The following THBS4 variants were observed in gnomAD, a reference collection of about 807,000 sequenced individuals.
THBS4 encodes the protein thrombospondin-4.
Under a neutral mutation model 115.7 loss-of-function variants are expected in THBS4, and 90 were observed. The ratio of observed to expected loss-of-function variants is 0.78; its 90% CI spans 0.66 to 0.93. THBS4 has a LOEUF of 0.93. THBS4 is among the 40% of genes least tolerant of loss of function. THBS4 has a pLI of 0.00. For missense variants in THBS4, 1,087 were observed against 1,232.7 expected, an observed-to-expected ratio of 0.88 and a Z score of 1.77; for synonymous variants, 460 against 479.3, an observed-to-expected ratio of 0.96 and a Z score of 0.53.
At position 80,070,237 on chromosome 5, in the gene THBS4, G is replaced by A; in HGVS notation, c.1348-69G>A. ...TGGGATTGAGCAAAGGAGCAGAGAG[G>A]CCCTTGTCAGCCACCAGCTTCCTGC... On this transcript the variant is annotated intron_variant, in intron 10 of 21. Coordinates refer to ENST00000350881, the MANE Select transcript of THBS4 (RefSeq NM_003248.6). 2 of 1,336,294 alleles carry A rather than the reference G, an allele frequency of 1.5e-6. 1 individual carries two copies. 82.8% of individuals were successfully genotyped at this position (1,336,294 alleles called of 1,614,324 possible).
chr5:80,019,192 A>C (rs1368692966), intron 2 of THBS4, among the ~76,000 whole-genome samples: 2 of 152,304 alleles, frequency 1.3e-5, no homozygotes, highest in East Asian at 1.9e-4. Context: ...GAATCTAATC[A>C]TGAGAAATAA....
chr5:80,079,323 G>T (rs958426750), intron 19 of THBS4, 65 bp downstream of exon 19: 2 of 1,493,404 alleles, frequency 1.3e-6, no homozygotes, highest in Admixed American at 2.2e-5. Flanking sequence ...TTCAGATATT[G>T]TGTTTTCCCA....
At chr5:80,016,763 C>G (rs1048588862) in intron 2 of THBS4, among the ~76,000 whole-genome samples, 11 of 152,006 alleles carry the variant, frequency 7.2e-5, no homozygotes, top group Non-Finnish European at 1.6e-4. Context: ...TTGCACTGCC[C>G]GCAGCTACCC....
rs932881529 is a variant in THBS4, at chr5:80,078,120, C to T, written c.2158C>T (p.Pro720Ser). The T allele has an allele frequency of 8.1e-6, 13 of 1,612,032 alleles. No homozygotes were observed. Among genetic ancestry groups the T allele is most frequent in the Non-Finnish European group, 1.1e-5 (13 of 1,178,838 alleles). Reference protein sequence around the residue: ...DQVIDRIDVCPENAEVTLTDF... With the variant: ...DQVIDRIDVCSENAEVTLTDF... Reference sequence around the variant, plus strand: ...GGTCATCGATCGGATCGACGTCTGCCCAGAGAACGCAGAGGTCACCCTGAC... The same window carrying T: ...GGTCATCGATCGGATCGACGTCTGCTCAGAGAACGCAGAGGTCACCCTGAC... The change falls in exon 17 of 22, where the codon CCA (proline) becomes TCA (serine). Residue 720 changes from proline to serine, a missense_variant. By Grantham distance (74) the Pro-to-Ser change is moderately conservative. Transcript: ENST00000350881.
chr5:80,025,220 C>T (rs1266976518), intron 2 of THBS4, among the ~76,000 whole-genome samples: 7 of 151,880 alleles, frequency 4.6e-5, no homozygotes, highest in South Asian at 2.1e-4. Flanking sequence ...AAAAAGATGA[C>T]GTGTGGATAT....
intron 13 of THBS4, 196 bp from the exon 14 acceptor site, chr5:80,072,082 A>C: frequency 3.3e-6 from 2 of 605,698 alleles, no homozygotes; most frequent in Non-Finnish European, 6.0e-6. Flanking sequence ...CAGTCGATAA[A>C]TACCTCTGAG....
At chr5:80,014,827 G>C (rs1369195243) in intron 2 of THBS4, among the ~76,000 whole-genome samples, 2 of 152,220 alleles carry the variant, frequency 1.3e-5, no homozygotes, top group African/African-American at 2.4e-5. Context: ...AGTGGAAAGA[G>C]CACCGGACCA....
chr5:80,033,304 A>G (rs1832621439), upstream of THBS4: 1 of 286,644 alleles, frequency 3.5e-6, no homozygotes, highest in Admixed American at 3.8e-5. Flanking sequence ...TGTCCTCACC[A>G]TGGAGATTCC....
At position 80,073,250 on chromosome 5, in the gene THBS4, A is replaced by AT. The variant is rs750097306; in HGVS notation, c.1840-24dup. On this transcript the variant is annotated intron_variant, in intron 14 of 21. Transcript: ENST00000350881. ...TCGGTACATGCAGGCCCAGGAATAA[A>AT]TAACATGTGCTGTTCTCTTTGCAGT... The AT allele has an allele frequency of 1.9e-6, 3 of 1,613,332 alleles. No individual in the cohort carries two copies. In the Admixed American group the frequency reaches 5.0e-5, roughly 27 times the overall value.
Position 80,055,810 on chromosome 5 carries a change from T to C in THBS4, c.318T>C (p.Asp106=), listed in dbSNP as rs746557045. ...CCATCCTCCGTTACCTGAAGAACGA[T>C]GGGAAGGTGCATTTGGTGGTTTTCA... The part of the protein sequence containing the change: ...NKAILRYLKN[D]GKVHLVVFNN... Residue 106 remains aspartate, a synonymous_variant, in exon 3 of 22, where the codon GAT becomes GAC. Coordinates refer to ENST00000350881, the MANE Select transcript of THBS4 (RefSeq NM_003248.6). 1 of 1,613,702 alleles carries C rather than the reference T, an allele frequency of 6.2e-7. No homozygotes were observed. Among genetic ancestry groups the C allele is most frequent in the Non-Finnish European group, 8.5e-7 (1 of 1,179,666 alleles).
chr5:80,023,005 A>G (rs1312667407), intron 2 of THBS4, among the ~76,000 whole-genome samples: 4 of 152,216 alleles, frequency 2.6e-5, no homozygotes, highest in African/African-American at 9.7e-5. Flanking sequence ...GTAGGTTATC[A>G]TCAATTTCCT....
Position 80,055,291 on chromosome 5 carries a change from C to T in THBS4, c.293-494C>T, listed in dbSNP as rs1041094903. ...GAGCTGAGATCGTCCCACTGCACTGCAGCCTGGGGGACAGAGTGAGATCCT... is the reference window on the plus strand; with the variant it reads ...GAGCTGAGATCGTCCCACTGCACTGTAGCCTGGGGGACAGAGTGAGATCCT... On this transcript the variant is annotated intron_variant, in intron 2 of 21. Transcript: ENST00000350881. 2.7e-5 allele frequency among the ~76,000 whole-genome samples: 4 copies of T among 150,878 alleles called. 1 individual carries two copies. Among genetic ancestry groups the T allele is most frequent in the Admixed American group, 2.6e-4 (4 of 15,142 alleles).
At chr5:80,078,881 C>T in intron 17 of THBS4, 40 bp from the exon 18 acceptor site, 1 of 1,588,834 alleles carries the variant, frequency 6.3e-7, no homozygotes. Context: ...TTACTTGGCC[C>T]CTTCAAGACT....
chr5:80,023,355 T>C (rs1383765316), intron 2 of THBS4, among the ~76,000 whole-genome samples: 1 of 152,220 alleles, frequency 6.6e-6, no homozygotes, highest in African/African-American at 2.4e-5. Flanking sequence ...GAGCTCAGTA[T>C]TTGCTCTGTT....
At chr5:80,059,359 T>A in intron 5 of THBS4, 81 bp from the exon 6 acceptor site, 10 of 1,331,008 alleles carry the variant, frequency 7.5e-6, no homozygotes, top group Non-Finnish European at 1.1e-5. Flanking sequence ...GTTACATAGA[T>A]AGCTCCACAT....
At chr5:80,051,666 TG>T (rs1158197141) in intron 2 of THBS4, among the ~76,000 whole-genome samples, 1 of 152,232 alleles carries the variant, frequency 6.6e-6, no homozygotes, top group Non-Finnish European at 1.5e-5. Flanking sequence ...TGGAATTAGA[TG>T]TTGAATTGCT....
In THBS4 at chr5:80,035,652, A is replaced by G; in HGVS notation, c.88+27A>G. The G allele has an allele frequency of 1.5e-6, 2 of 1,307,116 alleles. No individual in the cohort carries two copies. The highest frequency in any genetic ancestry group is 9.8e-7 in the Non-Finnish European group (1 of 1,024,768). 81.0% of individuals were successfully genotyped at this position (1,307,116 alleles called of 1,614,324 possible). A position where few individuals can be genotyped will look rare whatever the true frequency, so the allele number is the denominator to read the frequency against. On this transcript the variant is annotated intron_variant, in intron 1 of 21. Transcript: ENST00000350881. The surrounding 1 kb of genome is among the most constrained non-coding windows in gnomAD (Gnocchi z 4.6). ...TAAGTGGGTTCGGGTCGGGCCTGGG[A>G]GCGCCGGGCACCGGGTGCCCCATCT...
chr5:80,009,756 G>A (rs1396960527), intron 2 of THBS4, among the ~76,000 whole-genome samples: 2 of 151,974 alleles, frequency 1.3e-5, no homozygotes, highest in Non-Finnish European at 2.9e-5. Context: ...TTTTTCTCAG[G>A]ATAATGCAAA....
chr5:80,014,858 T>A (rs1832215906), intron 2 of THBS4, among the ~76,000 whole-genome samples: 1 of 152,232 alleles, frequency 6.6e-6, no homozygotes, highest in African/African-American at 2.4e-5. Context: ...GAACCAGGTG[T>A]TAATCCAAGT....
Sources: allele counts gnomAD v4.1 joint callset (sites outside exome capture counted in the v4.1 genomes callset), GRCh38; gene constraint gnomAD v4.1.1; non-coding constraint Gnocchi (gnomAD v3.1); transcripts MANE v1.5; gene names NCBI Gene and HGNC (gene_info 2026-07-23, HGNC 2026-07-21).